The following GPC6 variants were observed in gnomAD, a reference collection of about 807,000 sequenced individuals.
GPC6 encodes the protein glypican 6, also known as glypican-6.
A neutral mutation model predicts 55.2 loss-of-function variants in GPC6; 14 were observed. The observed-to-expected ratio is 0.25, with a 90% CI of 0.17 to 0.40. The LOEUF is 0.40. GPC6 is among the 10% of genes least tolerant of loss of function. The probability of loss-of-function intolerance (pLI) is 1.00; values close to 1 mark genes in which losing one functional copy is unlikely to be tolerated. For synonymous variants in GPC6, 278 were observed against 259.6 expected (o/e 1.07, Z -0.68); for missense variants, 641 against 708.5 (o/e 0.90, Z 1.08).
intron 4 of GPC6, among the ~76,000 whole-genome samples, chr13:94,120,535 T>A (rs1434579085): frequency 6.6e-6 from 1 of 152,048 alleles, no homozygotes; most frequent in South Asian, 2.1e-4. Flanking sequence ...TTTCTTTTTT[T>A]TTTTTCCCCT....
At chr13:94,007,139 G>T (rs956875948) in intron 3 of GPC6, among the ~76,000 whole-genome samples, 1 of 152,080 alleles carries the variant, frequency 6.6e-6, no homozygotes, top group African/African-American at 2.4e-5. Context: ...TCAGATTCCT[G>T]AAATCCATCT....
At chr13:93,754,555 G>T (rs1464095122) in intron 2 of GPC6, among the ~76,000 whole-genome samples, 1 of 151,952 alleles carries the variant, frequency 6.6e-6, no homozygotes, top group East Asian at 1.9e-4. Flanking sequence ...CTGTCAAAGG[G>T]TACCCTTTAT....
At chr13:93,605,023 A>G (rs1566446081) in intron 2 of GPC6, among the ~76,000 whole-genome samples, 1 of 152,184 alleles carries the variant, frequency 6.6e-6, no homozygotes, top group South Asian at 2.1e-4. Flanking sequence ...TCATGGGGAA[A>G]AGAAGAAATG....
intron 1 of GPC6, among the ~76,000 whole-genome samples, chr13:93,529,340 G>C (rs952083711): frequency 6.6e-6 from 1 of 151,928 alleles, no homozygotes; most frequent in Non-Finnish European, 1.5e-5. Flanking sequence ...AAGAAATCAA[G>C]TAGGCAGAAT....
At position 94,238,757 on chromosome 13, in the gene GPC6, C is replaced by T. The variant is rs190236079; in HGVS notation, c.878-47592C>T. Among the ~76,000 whole-genome samples the T allele has an allele frequency of 1.2e-4, 19 of 152,116 alleles. No individual in the cohort carries two copies. The East Asian group carries it at 3.3e-3, about 26-fold the overall frequency. Reference sequence around the variant, plus strand: ...TGGGGCTGACACATGGCAGTGAGGGCGATCCCCACTTAAGGAGAGATGGGT... The same window carrying T: ...TGGGGCTGACACATGGCAGTGAGGGTGATCCCCACTTAAGGAGAGATGGGT... On this transcript the variant is annotated intron_variant, in intron 4 of 8. Coordinates refer to ENST00000377047, the MANE Select transcript of GPC6 (RefSeq NM_005708.5).
At chr13:93,744,839 A>C (rs1377436352) in intron 2 of GPC6, among the ~76,000 whole-genome samples, 1 of 151,898 alleles carries the variant, frequency 6.6e-6, no homozygotes, top group African/African-American at 2.4e-5. Flanking sequence ...AGGCTGAGGC[A>C]GGAGAATTGC....
intron 4 of GPC6, among the ~76,000 whole-genome samples, chr13:94,285,659 T>A (rs138101077): frequency 1.3e-5 from 2 of 152,368 alleles, no homozygotes; most frequent in East Asian, 1.9e-4. Context: ...ATATAGCTGA[T>A]GTCTTCAACA....
intron 1 of GPC6, among the ~76,000 whole-genome samples, chr13:93,430,707 C>G (rs1455396498): frequency 6.6e-6 from 1 of 152,082 alleles, no homozygotes; most frequent in East Asian, 1.9e-4. Flanking sequence ...CTTAAAAATC[C>G]TTCTTATTTG....
chr13:94,142,263 A>C (rs889840068), intron 4 of GPC6, among the ~76,000 whole-genome samples: 1 of 152,218 alleles, frequency 6.6e-6, no homozygotes, highest in Non-Finnish European at 1.5e-5. Context: ...TTTAGTGATA[A>C]GAGAGAAAAT....
chr13:93,921,490 G>A (rs1877567888), intron 3 of GPC6, among the ~76,000 whole-genome samples: 1 of 152,012 alleles, frequency 6.6e-6, no homozygotes, highest in African/African-American at 2.4e-5. Context: ...GCTCTCAGCT[G>A]GATGGATGGG....
rs71736430 is a variant in GPC6, at chr13:93,744,528, C to CTTTTTTTTTT, written c.320-85609_320-85600dup. Among the ~76,000 whole-genome samples the CTTTTTTTTTT allele has an allele frequency of 3.8e-4, 37 of 97,226 alleles. 3 individuals are homozygous for CTTTTTTTTTT. Among genetic ancestry groups the CTTTTTTTTTT allele is most frequent in the South Asian group, 4.6e-4 (1 of 2,186 alleles). 63.8% of individuals were successfully genotyped at this position (97,226 alleles called of 152,430 possible). ...TTCCTCCAAACCTGCTTTCCCTAGT[C>CTTTTTTTTTT]TTTTTTTTTTTTTTTTTTTTTTTTT... On this transcript the variant is annotated intron_variant, in intron 2 of 8. Transcript: ENST00000377047.
intron 2 of GPC6, among the ~76,000 whole-genome samples, chr13:93,703,783 G>T (rs1035878119): frequency 6.6e-6 from 1 of 151,802 alleles, no homozygotes; most frequent in Non-Finnish European, 1.5e-5. Flanking sequence ...CTTATCCCTA[G>T]GTCTGTGATT....
chr13:94,401,487 G>A (rs766146173), intron 8 of GPC6, among the ~76,000 whole-genome samples: 14 of 152,080 alleles, frequency 9.2e-5, no homozygotes, highest in Non-Finnish European at 1.6e-4. Flanking sequence ...AGGAAGGGAC[G>A]ATGCTACCCT....
chr13:93,973,453 A>G (rs1013642941), intron 3 of GPC6, among the ~76,000 whole-genome samples: 1 of 152,172 alleles, frequency 6.6e-6, no homozygotes, highest in Non-Finnish European at 1.5e-5. Flanking sequence ...ACAGGGTTAG[A>G]ACTTTCTAGT....
At chr13:94,191,235 A>G (rs943075298) in intron 4 of GPC6, among the ~76,000 whole-genome samples, 1 of 152,230 alleles carries the variant, frequency 6.6e-6, no homozygotes. Flanking sequence ...ACATTTCATA[A>G]GAAATGAGTT....
chr13:93,568,611 G>T (rs576600838), intron 2 of GPC6, among the ~76,000 whole-genome samples: 1 of 152,282 alleles, frequency 6.6e-6, no homozygotes, highest in African/African-American at 2.4e-5. Context: ...GTGAATAAAA[G>T]AGAAGATATC....
chr13:93,716,460 C>G (rs1297932781), intron 2 of GPC6, among the ~76,000 whole-genome samples: 1 of 150,738 alleles, frequency 6.6e-6, no homozygotes, highest in Non-Finnish European at 1.5e-5. Flanking sequence ...CTAGGGTAAT[C>G]TGTGTGTTTG....
At chr13:93,574,627 T>C (rs979178788) in intron 2 of GPC6, among the ~76,000 whole-genome samples, 8 of 152,112 alleles carry the variant, frequency 5.3e-5, no homozygotes, top group Non-Finnish European at 1.2e-4. Context: ...ATTTAATTAT[T>C]TTTAGTAATT....
intron 1 of GPC6, among the ~76,000 whole-genome samples, chr13:93,544,912 G>A (rs887431732): frequency 6.6e-5 from 10 of 152,050 alleles, no homozygotes; most frequent in African/African-American, 1.9e-4. Flanking sequence ...GAGGTTTCCC[G>A]AGAAAAGCAT....
Sources: gnomAD v4.1 joint callset for allele counts (sites outside exome capture counted in the v4.1 genomes callset) on GRCh38, gnomAD v4.1.1 for gene constraint, MANE v1.5 for transcripts, NCBI Gene and HGNC (gene_info 2026-07-23, HGNC 2026-07-21) for gene names.